The following PTPRD variants were observed in gnomAD, a reference collection of about 807,000 sequenced individuals.
PTPRD encodes receptor-type tyrosine-protein phosphatase delta.
In PTPRD, 34 loss-of-function variants were observed where a neutral mutation model predicts 214.5. The observed-to-expected ratio is 0.16, with a 90% CI of 0.12 to 0.21. PTPRD has a LOEUF of 0.21. PTPRD is among the 10% of genes least tolerant of loss of function. The pLI is 1.00. For synonymous variants in PTPRD, 1,128 were observed against 845.7 expected (o/e 1.33, Z -5.79); for missense variants, 2,545 against 2,398.7 (o/e 1.06, Z -1.27).
chr9:8,458,778 G>A (rs146009087), intron 33 of PTPRD, among the ~76,000 whole-genome samples: 8 of 152,112 alleles, frequency 5.3e-5, no homozygotes, highest in Admixed American at 2.0e-4. Context: ...TATAGATACA[G>A]ATTGGAATGG....
chr9:8,317,264 A>C lies in PTPRD; in HGVS notation c.*610T>G, dbSNP rs1224738517. The C allele has an allele frequency of 1.7e-5, 4 of 232,250 alleles. No individual in the cohort carries two copies. The highest frequency in any genetic ancestry group is 6.6e-5 in the African/African-American group (3 of 45,264). 14.4% of individuals were successfully genotyped at this position (232,250 alleles called of 1,614,324 possible). A position where few individuals can be genotyped will look rare whatever the true frequency, so the allele number is the denominator to read the frequency against. On this transcript the variant is annotated 3_prime_UTR_variant, in exon 46 of 46. Coordinates refer to ENST00000381196, the MANE Select transcript of PTPRD (RefSeq NM_002839.4). ...TTTGGAAATAAAAAAATGAAGAGTT[A>C]TGTAACTTTTTTAAAATTCACTTTA...
intron 12 of PTPRD, among the ~76,000 whole-genome samples, chr9:8,705,819 T>C (rs1169614393): frequency 6.6e-6 from 1 of 152,224 alleles, no homozygotes; most frequent in Non-Finnish European, 1.5e-5. Context: ...GTAAAGGCAA[T>C]TCCCTAGGTG....
At chr9:10,026,247 G>C (rs2096921206) in intron 4 of PTPRD, among the ~76,000 whole-genome samples, 2 of 152,166 alleles carry the variant, frequency 1.3e-5, no homozygotes, top group African/African-American at 4.8e-5. Flanking sequence ...TGGAGGAGGA[G>C]AAATAGTACA....
At chr9:9,467,679 T>C (rs1195043007) in intron 8 of PTPRD, among the ~76,000 whole-genome samples, 1 of 151,480 alleles carries the variant, frequency 6.6e-6, no homozygotes, top group Non-Finnish European at 1.5e-5. Context: ...TCAGTAGATA[T>C]TCTTGTGTTA....
chr9:9,072,931 T>G (rs561879079), intron 10 of PTPRD, among the ~76,000 whole-genome samples: 9 of 152,280 alleles, frequency 5.9e-5, no homozygotes, highest in African/African-American at 2.2e-4. Flanking sequence ...ATATAAAAAA[T>G]TACGTGCCAT....
chr9:8,320,045 T>G (rs1825798988), intron 44 of PTPRD, 79 bp from the exon 45 acceptor site: 1 of 1,525,516 alleles, frequency 6.6e-7, no homozygotes, highest in Non-Finnish European at 8.8e-7. Flanking sequence ...TGGACATACT[T>G]CTACCAGCTT....
chr9:9,679,079 A>G lies in PTPRD; in HGVS notation c.-287+55454T>C, dbSNP rs192638199. 6.6e-5 allele frequency among the ~76,000 whole-genome samples: 10 copies of G among 151,366 alleles called. 1 individual carries two copies. The highest frequency in any genetic ancestry group is 1.4e-4 in the African/African-American group (6 of 41,390). On this transcript the variant is annotated intron_variant, in intron 7 of 45. Coordinates refer to ENST00000381196, the MANE Select transcript of PTPRD (RefSeq NM_002839.4). Reference sequence around the variant, plus strand: ...CTTATTAGGGAGTCAAAATTTCAAAAGAGGAGAGAGATACCCTTTGGTAAT... The same window carrying G: ...CTTATTAGGGAGTCAAAATTTCAAAGGAGGAGAGAGATACCCTTTGGTAAT...
At chr9:10,567,966 A>C (rs2066162997) in intron 2 of PTPRD, among the ~76,000 whole-genome samples, 1 of 147,410 alleles carries the variant, frequency 6.8e-6, no homozygotes, top group Non-Finnish European at 1.5e-5. Context: ...TTATTTTTTA[A>C]AATTTTATTA....
At chr9:8,380,310 G>A (rs1036646452) in intron 37 of PTPRD, among the ~76,000 whole-genome samples, 3 of 152,182 alleles carry the variant, frequency 2.0e-5, no homozygotes, top group East Asian at 3.9e-4. Context: ...TCAAATAGGT[G>A]GTTCTGAGAT....
At chr9:8,337,790 C>T (rs1848451187) in intron 43 of PTPRD, among the ~76,000 whole-genome samples, 2 of 151,950 alleles carry the variant, frequency 1.3e-5, no homozygotes, top group South Asian at 4.1e-4. Flanking sequence ...TTTTCTTTAT[C>T]ACCAGGAATA....
At chr9:10,283,908 T>G (rs2095247551) in intron 3 of PTPRD, among the ~76,000 whole-genome samples, 1 of 152,220 alleles carries the variant, frequency 6.6e-6, no homozygotes, top group Non-Finnish European at 1.5e-5. Flanking sequence ...TGTTGCACCA[T>G]GAGGAAATTG....
intron 5 of PTPRD, among the ~76,000 whole-genome samples, chr9:9,833,689 GC>G (rs66717879): frequency 0.025 from 3,659 of 146,352 alleles, 102 homozygotes; most frequent in Middle Eastern, 0.069. Flanking sequence ...GGAGAGGGGG[GC>G]AGTTCAGAGA....
chr9:8,434,312 A>G (rs1290540845), intron 35 of PTPRD, among the ~76,000 whole-genome samples: 1 of 152,044 alleles, frequency 6.6e-6, no homozygotes, highest in African/African-American at 2.4e-5. Flanking sequence ...TTTTTACCTT[A>G]CCTTTTCTTT....
At chr9:9,384,078 T>A (rs1409092585) in intron 9 of PTPRD, among the ~76,000 whole-genome samples, 1 of 151,690 alleles carries the variant, frequency 6.6e-6, no homozygotes, top group Non-Finnish European at 1.5e-5. Flanking sequence ...TTATATTGAA[T>A]TCAAACAATG....
At chr9:9,287,122 G>C (rs942151870) in intron 9 of PTPRD, among the ~76,000 whole-genome samples, 5 of 150,952 alleles carry the variant, frequency 3.3e-5, no homozygotes, top group African/African-American at 1.2e-4. Context: ...CTACTTAGGA[G>C]GCTGAGGCAG....
chr9:9,174,529 T>A (rs756282118), intron 10 of PTPRD, among the ~76,000 whole-genome samples: 1 of 152,256 alleles, frequency 6.6e-6, no homozygotes, highest in Non-Finnish European at 1.5e-5. Flanking sequence ...GCATAATCCT[T>A]GTGATTGAGG....
At chr9:10,205,874 T>A (rs907882994) in intron 3 of PTPRD, among the ~76,000 whole-genome samples, 3 of 152,166 alleles carry the variant, frequency 2.0e-5, no homozygotes, top group African/African-American at 7.2e-5. Flanking sequence ...GTTCAATTTT[T>A]CATTTATTGC....
chr9:10,194,345 T>TAG (rs1182799154), intron 3 of PTPRD, among the ~76,000 whole-genome samples: 8 of 39,854 alleles, frequency 2.0e-4, no homozygotes, highest in African/African-American at 6.2e-4. Context: ...TATATATATA[T>TAG]AGAGAGAGAG....
At chr9:8,329,521 C>G (rs905741413) in intron 44 of PTPRD, among the ~76,000 whole-genome samples, 8 of 152,262 alleles carry the variant, frequency 5.3e-5, no homozygotes, top group African/African-American at 1.9e-4. Context: ...GAGAGTCTGT[C>G]CCTTATCAGA....
Sources: allele counts gnomAD v4.1 joint callset (sites outside exome capture counted in the v4.1 genomes callset), GRCh38; gene constraint gnomAD v4.1.1; transcripts MANE v1.5; gene names NCBI Gene and HGNC (gene_info 2026-07-23, HGNC 2026-07-21).